RAP1GAP2: variants seen among roughly 807,000 people sequenced by gnomAD.
RAP1GAP2 encodes rap1 GTPase-activating protein 2.
Under a neutral mutation model 95.0 loss-of-function variants are expected in RAP1GAP2, and 27 were observed. The ratio of observed to expected loss-of-function variants is 0.28; its 90% CI spans 0.21 to 0.39. The LOEUF (loss-of-function observed/expected upper bound fraction) is 0.39. Ranked by LOEUF, RAP1GAP2 falls within the 10% of genes least tolerant of loss-of-function variation. The pLI is 1.00. For missense variants in RAP1GAP2, 771 were observed against 970.0 expected (o/e 0.79, Z 2.72); for synonymous variants, 373 against 380.9 (o/e 0.98, Z 0.24).
intron 2 of RAP1GAP2, among the ~76,000 whole-genome samples, chr17:2,850,607 G>A (rs909267597): frequency 4.4e-4 from 67 of 150,912 alleles, no homozygotes; most frequent in African/African-American, 1.3e-3. Flanking sequence ...AAAACTAGCC[G>A]GGCATGGTGG....
intron 2 of RAP1GAP2, among the ~76,000 whole-genome samples, chr17:2,894,615 A>G (rs1480478490): frequency 6.6e-6 from 1 of 152,048 alleles, no homozygotes; most frequent in Admixed American, 6.6e-5. Context: ...GCGTCCAGAA[A>G]GAGAGCCTTA....
intron 8 of RAP1GAP2, among the ~76,000 whole-genome samples, chr17:2,974,567 T>C (rs1474140659): frequency 6.7e-6 from 1 of 150,160 alleles, no homozygotes; most frequent in Admixed American, 6.7e-5. Context: ...AATATGTTGA[T>C]AAATTTAATT....
chr17:2,846,854 G>A (rs1278196975), intron 2 of RAP1GAP2, among the ~76,000 whole-genome samples: 2 of 152,082 alleles, frequency 1.3e-5, no homozygotes, highest in South Asian at 4.1e-4. Context: ...CAGCTGTTTG[G>A]GGCCATTAAG....
chr17:2,978,585 A>C (rs894373201), intron 8 of RAP1GAP2, among the ~76,000 whole-genome samples: 1 of 152,202 alleles, frequency 6.6e-6, no homozygotes, highest in East Asian at 1.9e-4. Context: ...GGTTGACTGC[A>C]GGTAGCTGAA....
chr17:2,917,163 C>G (rs1167860908), intron 3 of RAP1GAP2, among the ~76,000 whole-genome samples: 4 of 152,210 alleles, frequency 2.6e-5, no homozygotes, highest in Non-Finnish European at 1.5e-5. Flanking sequence ...TGGTCCTGGA[C>G]CCCTCTGAGG....
In RAP1GAP2 at chr17:2,991,399, T is replaced by G; in HGVS notation, c.914+2T>G. On this transcript the variant is annotated splice_donor_variant, in intron 12 of 24. Coordinates refer to ENST00000254695, the MANE Select transcript of RAP1GAP2 (RefSeq NM_015085.5). LOFTEE classifies it high-confidence loss of function. ...GATCACACTGCAGGATTTCAAAGGG[T>G]GGGTTTTAGCCAAGTGACGGCTCCA... 1 of 1,593,414 alleles carries G rather than the reference T, an allele frequency of 6.3e-7. No individual in the cohort carries two copies. The highest frequency in any genetic ancestry group is 1.3e-5 in the African/African-American group (1 of 74,670).
In RAP1GAP2 at chr17:3,027,934, T is replaced by G. The variant is rs9908640; in HGVS notation, c.2107+864T>G. 0.1 allele frequency among the ~76,000 whole-genome samples: 15,108 copies of G among 151,712 alleles called. 947 individuals carry two copies. The highest frequency in any genetic ancestry group is 0.18 in the African/African-American group (7,301 of 41,310). Reference sequence around the variant, plus strand: ...GGGGTTCTGTGATCCCTGCAGTTGGTCAGAATAGGGGGGCCAGCACCTGAG... The same window carrying G: ...GGGGTTCTGTGATCCCTGCAGTTGGGCAGAATAGGGGGGCCAGCACCTGAG... On this transcript the variant is annotated intron_variant, in intron 22 of 24. Coordinates refer to ENST00000254695, the MANE Select transcript of RAP1GAP2 (RefSeq NM_015085.5). This position sits in a 1 kb window ranked among gnomAD's most constrained non-coding sequence, Gnocchi z 5.2.
rs71153311 is a variant in RAP1GAP2 at position 2,932,584 on chromosome 17, CAAAAAAAAA to C, written c.166-25163_166-25155del. Among the ~76,000 whole-genome samples the C allele has an allele frequency of 2.1e-4, 11 of 52,340 alleles. No individual in the cohort carries two copies. The East Asian group carries it at 6.1e-3, about 29-fold the overall frequency. 34.3% of individuals were successfully genotyped at this position (52,340 alleles called of 152,430 possible). ...TGGGTGACAGAGTGAGACTCCATCT[CAAAAAAAAA>C]AAAAAAAAAAAGAGGAGCTCGAGAC... is the stretch of plus-strand genomic sequence containing the variant. On this transcript the variant is annotated intron_variant, in intron 3 of 24. Coordinates refer to ENST00000254695, the MANE Select transcript of RAP1GAP2 (RefSeq NM_015085.5).
At chr17:2,969,600 C>G (rs950981740) in intron 8 of RAP1GAP2, among the ~76,000 whole-genome samples, 9 of 135,316 alleles carry the variant, frequency 6.7e-5, no homozygotes, top group Non-Finnish European at 4.6e-5. Context: ...CTCCCAGGTT[C>G]AAGCAATTGT....
At chr17:2,781,676 CTG>C (rs769259820) in intron 1 of RAP1GAP2, among the ~76,000 whole-genome samples, 2 of 148,766 alleles carry the variant, frequency 1.3e-5, no homozygotes, top group East Asian at 4.0e-4. Context: ...GGGCACGTCT[CTG>C]TGTGTGCAGG....
intron 3 of RAP1GAP2, among the ~76,000 whole-genome samples, chr17:2,914,786 G>A (rs576750843): frequency 6.8e-6 from 1 of 146,276 alleles, no homozygotes; most frequent in South Asian, 2.2e-4. Flanking sequence ...CACTGTGCCC[G>A]GCCACTTCTT....
At chr17:2,776,823 CGGAGGAGGA>C (rs372983882), upstream of RAP1GAP2, among the ~76,000 whole-genome samples, 75 of 144,114 alleles carry the variant, frequency 5.2e-4, no homozygotes, top group Middle Eastern at 3.5e-3. Context: ...CCCGCCGCCC[CGGAGGAGGA>C]GGAGGAGGAG....
At chr17:2,798,639 G>A (rs2069160422) in intron 1 of RAP1GAP2, among the ~76,000 whole-genome samples, 1 of 142,546 alleles carries the variant, frequency 7.0e-6, no homozygotes, top group Non-Finnish European at 1.5e-5. Context: ...GGCAGACAAG[G>A]TGATGAGGGT....
rs1164936116 is a variant in RAP1GAP2 at position 2,962,851 on chromosome 17, T to TCACG, written c.246+138_246+141dup. 6 of 830,634 alleles carry TCACG rather than the reference T, an allele frequency of 7.2e-6. No homozygotes were observed. The East Asian group carries it at 1.4e-4, about 19-fold the overall frequency. The allele number at this position is 830,634 out of a possible 1,614,324, so 51.5% of individuals were successfully genotyped here. ...ACTCTGACTCGCACCACGGGCCGCT[T>TCACG]CACGACTGCCTTGTTAGACCAGTGC... On this transcript the variant is annotated intron_variant, in intron 5 of 24. Transcript: ENST00000254695.
Position 2,820,891 on chromosome 17 carries a change from G to GTTTTTTT in RAP1GAP2, c.80+20341_80+20342insTTTTTTT, listed in dbSNP as rs1475267891. ...TGCCCGCCACCACGGCCCGGATAAT[G>GTTTTTTT]GTTTTTTTTTTTTTTTTTGTATTTT... is the stretch of plus-strand genomic sequence containing the variant. On this transcript the variant is annotated intron_variant, in intron 2 of 24. Transcript: ENST00000254695. Among the ~76,000 whole-genome samples the GTTTTTTT allele has an allele frequency of 2.8e-3, 317 of 113,924 alleles. 4 individuals are homozygous for GTTTTTTT. The highest frequency in any genetic ancestry group is 0.011 in the East Asian group (44 of 3,836). The allele number at this position is 113,924 out of a possible 152,430, so 74.7% of individuals were successfully genotyped here. A position where few individuals can be genotyped will look rare whatever the true frequency, so the allele number is the denominator to read the frequency against.
chr17:2,794,450 TG>T (rs1220655998), upstream of RAP1GAP2, among the ~76,000 whole-genome samples: 1 of 152,178 alleles, frequency 6.6e-6, no homozygotes, highest in African/African-American at 2.4e-5. Context: ...GAGAGGCGCT[TG>T]TGGCACTCTG....
rs1230620784 is a variant in RAP1GAP2 at position 3,034,975 on chromosome 17, C to T, written c.*1614C>T. 1 of 128,666 alleles carries T rather than the reference C, an allele frequency of 7.8e-6. No homozygotes were observed. Among genetic ancestry groups the T allele is most frequent in the South Asian group, 2.5e-4 (1 of 4,068 alleles). 8.0% of individuals were successfully genotyped at this position (128,666 alleles called of 1,614,324 possible). On this transcript the variant is annotated 3_prime_UTR_variant, in exon 25 of 25. Coordinates refer to ENST00000254695, the MANE Select transcript of RAP1GAP2 (RefSeq NM_015085.5). The surrounding 1 kb of genome is among the most constrained non-coding windows in gnomAD (Gnocchi z 5.1). ...ACCTGTGCCCAAGATATAAATACTA[C>T]ACTTTTTTTTTTTTTTTTTAACTGA...
intron 2 of RAP1GAP2, among the ~76,000 whole-genome samples, chr17:2,873,966 G>A (rs780443970): frequency 1.3e-5 from 2 of 151,454 alleles, no homozygotes; most frequent in African/African-American, 4.9e-5. Context: ...GGGGGGGGGC[G>A]GGTTTCACCA....
At chr17:2,856,062 T>C (rs1470997576) in intron 2 of RAP1GAP2, among the ~76,000 whole-genome samples, 1 of 152,206 alleles carries the variant, frequency 6.6e-6, no homozygotes, top group Non-Finnish European at 1.5e-5. Context: ...TGGAGTGCAA[T>C]GTTCCAGGGC....
Sources: allele counts gnomAD v4.1 joint callset (sites outside exome capture counted in the v4.1 genomes callset), GRCh38; gene constraint gnomAD v4.1.1; non-coding constraint Gnocchi (gnomAD v3.1); transcripts MANE v1.5; gene names NCBI Gene and HGNC (gene_info 2026-07-23, HGNC 2026-07-21).